Variants in ECPAS observed in about 807,000 individuals in gnomAD.
The protein encoded by ECPAS is proteasome adapter and scaffold protein ECM29.
A neutral mutation model predicts 255.1 loss-of-function variants in ECPAS; 70 were observed. That is an observed-to-expected ratio of 0.27 (90% CI 0.23 to 0.33). The LOEUF is 0.33. Among genes scored for constraint, ECPAS ranks in the 10% least tolerant of loss-of-function variants. ECPAS has a pLI of 1.00. For missense variants in ECPAS, 1,817 were observed against 2,206.4 expected (o/e 0.82, Z 3.54); for synonymous variants, 784 against 775.0 (o/e 1.01, Z -0.19).
chr9:111,437,197 C>G, intron 6 of ECPAS, 89 bp from the exon 7 acceptor site: 1 of 1,022,314 alleles, frequency 9.8e-7, no homozygotes, highest in Non-Finnish European at 1.3e-6. Flanking sequence ...ATATACTGTC[C>G]TCCTACTGTA....
chr9:111,379,490 C>T (rs2098137869), intron 35 of ECPAS, among the ~76,000 whole-genome samples: 1 of 152,228 alleles, frequency 6.6e-6, no homozygotes, highest in Non-Finnish European at 1.5e-5. Context: ...GTGATGCCTA[C>T]TGACTAATCA....
At chr9:111,395,954 C>T (rs1329303812) in intron 25 of ECPAS, among the ~76,000 whole-genome samples, 2 of 152,154 alleles carry the variant, frequency 1.3e-5, no homozygotes, top group African/African-American at 4.8e-5. Flanking sequence ...ACAGTGCAAG[C>T]AAAAGTGTGT....
chr9:111,372,004 T>C (rs905573481), intron 42 of ECPAS, among the ~76,000 whole-genome samples, 175 bp from the exon 43 acceptor site: 2 of 152,214 alleles, frequency 1.3e-5, no homozygotes, highest in African/African-American at 2.4e-5. Context: ...ATTCTCACAA[T>C]AGTAGAACTT....
intron 23 of ECPAS, 80 bp downstream of exon 23, chr9:111,409,961 T>C (rs1028947124): frequency 3.0e-6 from 3 of 1,016,552 alleles, no homozygotes; most frequent in Non-Finnish European, 4.3e-6. Flanking sequence ...TGCCATCTAT[T>C]CTCATTATAA....
In ECPAS at chr9:111,389,638, T is replaced by G; in HGVS notation, c.3365A>C (p.Tyr1122Ser). 1 of 1,613,926 alleles carries G rather than the reference T, an allele frequency of 6.2e-7. No homozygotes were observed. The change falls in exon 31 of 50, where the codon TAT (tyrosine) becomes TCT (serine). Residue 1122 changes from tyrosine (Y) to serine (S), a missense_variant. By Grantham distance (144) the Tyr-to-Ser change is moderately radical. Transcript: ENST00000684092. Reference sequence around the variant, plus strand: ...AAGGTTGGGATCAAACTGGTAACGATAAAGTCGAGGAACTAGCTGAGGCAG... The same window carrying G: ...AAGGTTGGGATCAAACTGGTAACGAGAAAGTCGAGGAACTAGCTGAGGCAG... ...PFLPQLVPRL[Y>S]RYQFDPNLGI...
chr9:111,423,341 T>G, intron 12 of ECPAS, 93 bp from the exon 13 acceptor site: 1 of 831,042 alleles, frequency 1.2e-6, no homozygotes. Context: ...TCGCTGCAAT[T>G]ACATGCATTA....
intron 2 of ECPAS, among the ~76,000 whole-genome samples, chr9:111,461,626 T>C (rs1301115892): frequency 6.6e-6 from 1 of 152,146 alleles, no homozygotes; most frequent in Non-Finnish European, 1.5e-5. Context: ...AGTGAGTAAA[T>C]GATGGTCTTT....
intron 24 of ECPAS, among the ~76,000 whole-genome samples, chr9:111,400,991 T>G (rs1193856014): frequency 6.6e-6 from 1 of 151,988 alleles, no homozygotes; most frequent in Admixed American, 6.6e-5. Flanking sequence ...AGGTCATGGA[T>G]GAAGAGAGGA....
At chr9:111,462,629 A>C (rs1034529091) in intron 2 of ECPAS, among the ~76,000 whole-genome samples, 10 of 152,190 alleles carry the variant, frequency 6.6e-5, no homozygotes, top group African/African-American at 2.2e-4. Flanking sequence ...ACTACAAGTT[A>C]TCTGGAAATA....
chr9:111,412,832 T>C (rs978789837), intron 20 of ECPAS, among the ~76,000 whole-genome samples: 1 of 152,208 alleles, frequency 6.6e-6, no homozygotes, highest in Non-Finnish European at 1.5e-5. Context: ...ATTTCATTCA[T>C]GTTTTCACAC....
At chr9:111,405,575 A>T (rs2098182794) in intron 24 of ECPAS, among the ~76,000 whole-genome samples, 1 of 150,012 alleles carries the variant, frequency 6.7e-6, no homozygotes, top group Non-Finnish European at 1.5e-5. Flanking sequence ...GCTTCTGCAC[A>T]GCAAAGGAAA....
intron 2 of ECPAS, among the ~76,000 whole-genome samples, chr9:111,465,358 G>A (rs2098278209): frequency 6.6e-6 from 1 of 151,932 alleles, no homozygotes; most frequent in East Asian, 1.9e-4. Flanking sequence ...TGGCCAACAT[G>A]GTGAAACCCT....
chr9:111,388,047 C>T (rs765304021), intron 31 of ECPAS, among the ~76,000 whole-genome samples: 5 of 152,162 alleles, frequency 3.3e-5, no homozygotes, highest in African/African-American at 4.8e-5. Flanking sequence ...ATACACTTAG[C>T]AACTTGGTAA....
intron 2 of ECPAS, among the ~76,000 whole-genome samples, chr9:111,469,324 T>A (rs2098283424): frequency 6.7e-6 from 1 of 150,036 alleles, no homozygotes; most frequent in Non-Finnish European, 1.5e-5. Flanking sequence ...CGAGGTCAGG[T>A]GAATTTGAGA....
At chr9:111,387,281 C>G (rs998741684) in intron 31 of ECPAS, among the ~76,000 whole-genome samples, 1 of 151,496 alleles carries the variant, frequency 6.6e-6, no homozygotes, top group Non-Finnish European at 1.5e-5. Context: ...TCTCACTCAT[C>G]ATCAGTGCAG....
At chr9:111,468,851 T>C (rs2098282777) in intron 2 of ECPAS, among the ~76,000 whole-genome samples, 1 of 152,234 alleles carries the variant, frequency 6.6e-6, no homozygotes, top group East Asian at 1.9e-4. Context: ...TCAGTACAAT[T>C]AGGAGTTTGA....
intron 11 of ECPAS, 98 bp downstream of exon 11, chr9:111,425,645 G>A (rs946944706): frequency 5.2e-5 from 51 of 979,904 alleles, no homozygotes; most frequent in Admixed American, 7.7e-5. Context: ...GAGCAAACAT[G>A]TTTTCTTTCT....
intron 12 of ECPAS, among the ~76,000 whole-genome samples, chr9:111,423,605 C>T (rs2098217485): frequency 6.6e-6 from 1 of 152,300 alleles, no homozygotes; most frequent in Non-Finnish European, 1.5e-5. Flanking sequence ...ATCTTCAACA[C>T]ACTAAAAAAC....
intron 40 of ECPAS, 30 bp from the exon 41 acceptor site, chr9:111,373,266 T>A (rs529605404): frequency 6.2e-7 from 1 of 1,613,622 alleles, no homozygotes; most frequent in Admixed American, 1.7e-5. Flanking sequence ...AAGTATTTCT[T>A]TATAACTGTC....
Sources: gnomAD v4.1 joint callset for allele counts (sites outside exome capture counted in the v4.1 genomes callset) on GRCh38, gnomAD v4.1.1 for gene constraint, MANE v1.5 for transcripts, NCBI Gene and HGNC (gene_info 2026-07-23, HGNC 2026-07-21) for gene names.